Variants in DAB1 observed in about 807,000 individuals in gnomAD.
The protein encoded by DAB1 is disabled homolog 1.
In DAB1, 15 loss-of-function variants were observed where a neutral mutation model predicts 64.6. The observed-to-expected ratio is 0.23, with a 90% confidence interval of 0.16 to 0.36. DAB1 has a LOEUF of 0.36. Among genes scored for constraint, DAB1 ranks in the 10% least tolerant of loss-of-function variants. DAB1 has a pLI of 1.00. For missense variants in DAB1, 596 were observed against 706.7 expected (o/e 0.84, Z 1.78); for synonymous variants, 235 against 251.9 (o/e 0.93, Z 0.64).
intron 1 of DAB1, among the ~76,000 whole-genome samples, chr1:57,381,935 G>C (rs1389728999): frequency 6.6e-6 from 1 of 152,202 alleles, no homozygotes; most frequent in Admixed American, 6.6e-5. Context: ...GCTTGGCTCA[G>C]AAGTCCAGAT....
intron 2 of DAB1, among the ~76,000 whole-genome samples, chr1:58,509,495 G>A (rs1646039510): frequency 6.7e-6 from 1 of 149,156 alleles, no homozygotes; most frequent in Admixed American, 6.7e-5. Context: ...TACAGCAAAG[G>A]CAGTTCTAAG....
chr1:58,377,308 C>T lies in DAB1; in HGVS notation n.258-33905G>A, dbSNP rs1157379876. Among the ~76,000 whole-genome samples the T allele has an allele frequency of 2.0e-4, 29 of 142,338 alleles. 1 individual carries two copies. Among genetic ancestry groups the T allele is most frequent in the East Asian group, 6.3e-4 (3 of 4,760 alleles). The allele number at this position is 142,338 out of a possible 152,430, so 93.4% of individuals were successfully genotyped here. ...TTTACATTTTGGCATGATTTTGCAGCGGCTGGTACCGGTTGTTCCTTTCCA... is the reference window on the plus strand; with the variant it reads ...TTTACATTTTGGCATGATTTTGCAGTGGCTGGTACCGGTTGTTCCTTTCCA... On this transcript the variant is annotated intron_variant and non_coding_transcript_variant, in intron 3 of 20. Coordinates refer to the DAB1 transcript ENST00000485760.
intron 5 of DAB1, among the ~76,000 whole-genome samples, chr1:58,043,065 G>A (rs1205536986): frequency 6.6e-6 from 1 of 152,180 alleles, no homozygotes; most frequent in Non-Finnish European, 1.5e-5. Context: ...AATACATGCA[G>A]ATCAAATGTC....
At chr1:58,525,337 C>T (rs181391972) in intron 2 of DAB1, among the ~76,000 whole-genome samples, 163 of 152,132 alleles carry the variant, frequency 1.1e-3, no homozygotes, top group African/African-American at 3.9e-3. Flanking sequence ...TGGATCTACA[C>T]AGCTCAAAAA....
At chr1:58,377,445 G>A (rs1644339508) in intron 3 of DAB1, among the ~76,000 whole-genome samples, 1 of 138,662 alleles carries the variant, frequency 7.2e-6, no homozygotes, top group African/African-American at 2.7e-5. Context: ...ATGAAGCTTA[G>A]TTTGGCTGGA....
Position 57,177,894 on chromosome 1 carries a change from T to C in DAB1, c.68-32465A>G, listed in dbSNP as rs1276383126. The stretch of plus-strand genomic sequence containing the variant: ...CACAATATAGGCATAAAGTAAACTT[T>C]TGGTATTTGATGTCTCTTGACTATT... On this transcript the variant is annotated intron_variant, in intron 2 of 14. Coordinates refer to ENST00000371236, the MANE Select transcript of DAB1 (RefSeq NM_001365792.1). Among the ~76,000 whole-genome samples the C allele has an allele frequency of 3.3e-5, 5 of 152,252 alleles. No individual in the cohort carries two copies. In the East Asian group the frequency reaches 9.6e-4, roughly 29 times the overall value.
At chr1:57,861,685 T>A (rs577656720) in intron 1 of DAB1, among the ~76,000 whole-genome samples, 29 of 151,442 alleles carry the variant, frequency 1.9e-4, no homozygotes, top group African/African-American at 7.0e-4. Context: ...GTCATTATGA[T>A]TAAATAATAG....
chr1:58,126,893 A>G (rs1305644514), intron 5 of DAB1, among the ~76,000 whole-genome samples: 2 of 145,158 alleles, frequency 1.4e-5, no homozygotes, highest in Middle Eastern at 3.4e-3. Flanking sequence ...AGTCTTTGCT[A>G]TTGTGAATAA....
chr1:57,760,378 A>C (rs1308871732), intron 6 of DAB1, among the ~76,000 whole-genome samples: 1 of 152,116 alleles, frequency 6.6e-6, no homozygotes, highest in African/African-American at 2.4e-5. Context: ...GCTGTCAAAT[A>C]AAATATAAAG....
At chr1:57,161,078 GTGTCCTACA>G (rs1293915075) in intron 2 of DAB1, among the ~76,000 whole-genome samples, 1 of 152,094 alleles carries the variant, frequency 6.6e-6, no homozygotes, top group Non-Finnish European at 1.5e-5. Flanking sequence ...ATTTGCTGTA[GTGTCCTACA>G]GCAAATCTTT....
At chr1:58,506,201 T>G (rs751101807) in exon 3 of DAB1, 1 of 868,026 alleles carries the variant, frequency 1.2e-6, no homozygotes, top group Non-Finnish European at 2.0e-6. Flanking sequence ...CTCTTATGTC[T>G]GCACAAGCCT....
At chr1:58,015,583 T>C (rs1297930734) in intron 5 of DAB1, among the ~76,000 whole-genome samples, 6 of 152,188 alleles carry the variant, frequency 3.9e-5, no homozygotes, top group East Asian at 3.9e-4. Flanking sequence ...GTTTTCTCCA[T>C]GGAGAATGTG....
intron 7 of DAB1, among the ~76,000 whole-genome samples, chr1:57,613,478 G>A (rs1418781843): frequency 5.3e-5 from 8 of 151,776 alleles, no homozygotes; most frequent in South Asian, 2.1e-4. Context: ...AGTGTAGTTC[G>A]GTTTCTTCAC....
rs111707204 is a variant in DAB1 at position 58,452,040 on chromosome 1, C to T, written n.257+54020G>A. On this transcript the variant is annotated intron_variant and non_coding_transcript_variant, in intron 3 of 20. Coordinates refer to the DAB1 transcript ENST00000485760. ...CCCCGCCCCCTGGGTTCAAGCGATT[C>T]TCTTGCCTTAGCCTCCTGAGTGGCT... 4.8e-3 allele frequency among the ~76,000 whole-genome samples: 728 copies of T among 150,874 alleles called. 5 individuals are homozygous for T. Among genetic ancestry groups the T allele is most frequent in the African/African-American group, 0.016 (671 of 41,068 alleles).
At chr1:58,089,437 T>C (rs920666257) in intron 5 of DAB1, among the ~76,000 whole-genome samples, 3 of 152,270 alleles carry the variant, frequency 2.0e-5, no homozygotes, top group African/African-American at 4.8e-5. Flanking sequence ...TAAGGTTTTA[T>C]GTTAATGTCT....
chr1:58,034,780 T>C (rs893321298), intron 5 of DAB1, among the ~76,000 whole-genome samples: 4 of 152,158 alleles, frequency 2.6e-5, no homozygotes, highest in African/African-American at 9.7e-5. Context: ...TAAAAGTCAA[T>C]TTGGTTTTGC....
chr1:57,986,364 C>T (rs1376157762), intron 5 of DAB1, among the ~76,000 whole-genome samples: 1 of 152,094 alleles, frequency 6.6e-6, no homozygotes, highest in Non-Finnish European at 1.5e-5. Context: ...TGCTCCCTTA[C>T]CTATTCTACT....
At chr1:57,742,023 C>A (rs542354500) in intron 6 of DAB1, among the ~76,000 whole-genome samples, 77 of 152,136 alleles carry the variant, frequency 5.1e-4, no homozygotes, top group Non-Finnish European at 1.0e-3. Context: ...GTTCAACCAC[C>A]TGGAGCAGGT....
intron 5 of DAB1, among the ~76,000 whole-genome samples, chr1:57,906,564 G>A (rs1644554634): frequency 6.6e-6 from 1 of 152,182 alleles, no homozygotes; most frequent in Non-Finnish European, 1.5e-5. Context: ...TATGGTGTCA[G>A]GCAGAGGGGC....
Sources: allele counts gnomAD v4.1 joint callset (sites outside exome capture counted in the v4.1 genomes callset), GRCh38; gene constraint gnomAD v4.1.1; transcripts MANE v1.5; gene names NCBI Gene and HGNC (gene_info 2026-07-23, HGNC 2026-07-21).